Variants in PTN observed in about 807,000 individuals in gnomAD.
PTN encodes heparin affin regulatory protein.
In PTN, 18 loss-of-function variants were observed where a neutral mutation model predicts 24.1. That is an observed-to-expected ratio of 0.75 (90% CI 0.52 to 1.11). The LOEUF (loss-of-function observed/expected upper bound fraction) is 1.11, where lower values mean the gene tolerates loss of function less well. PTN is among the 50% of genes least tolerant of loss of function. The pLI is 0.00. For synonymous variants in PTN, 78 were observed against 68.6 expected, an observed-to-expected ratio of 1.14 and a Z score of -0.67; for missense variants, 163 against 198.8, an observed-to-expected ratio of 0.82 and a Z score of 1.08.
intron 1 of PTN, among the ~76,000 whole-genome samples, chr7:137,267,590 G>C (rs1809178992): frequency 6.6e-6 from 1 of 152,148 alleles, no homozygotes; most frequent in South Asian, 2.1e-4. Context: ...TGGTATCATA[G>C]TAACACCGTA....
intron 1 of PTN, among the ~76,000 whole-genome samples, chr7:137,275,754 C>T (rs908986096): frequency 1.3e-5 from 2 of 152,100 alleles, no homozygotes; most frequent in African/African-American, 4.8e-5. Flanking sequence ...AAACACAAAT[C>T]CATAATCATT....
chr7:137,265,182 C>A (rs1809119010), intron 1 of PTN, among the ~76,000 whole-genome samples: 1 of 152,102 alleles, frequency 6.6e-6, no homozygotes, highest in Admixed American at 6.5e-5. Context: ...TGATTTCAAG[C>A]TTTAAATTGA....
chr7:137,334,790 A>T (rs1810418714), intron 1 of PTN, among the ~76,000 whole-genome samples: 2 of 152,084 alleles, frequency 1.3e-5, no homozygotes, highest in South Asian at 4.2e-4. Context: ...CTTGGAACCA[A>T]TCCAAATGTC....
intron 1 of PTN, among the ~76,000 whole-genome samples, chr7:137,333,266 A>G (rs1366298944): frequency 6.6e-6 from 1 of 152,160 alleles, no homozygotes; most frequent in Non-Finnish European, 1.5e-5. Context: ...TAGATGCCCA[A>G]TCTGGAAACT....
chr7:137,231,367 G>A (rs1223195257), intron 4 of PTN, among the ~76,000 whole-genome samples: 1 of 151,314 alleles, frequency 6.6e-6, no homozygotes, highest in Non-Finnish European at 1.5e-5. Context: ...ACCCCAATTT[G>A]CACAGTCAGC....
At chr7:137,321,760 C>CA (rs1810166651) in intron 1 of PTN, among the ~76,000 whole-genome samples, 1 of 152,024 alleles carries the variant, frequency 6.6e-6, no homozygotes, top group Admixed American at 6.6e-5. Flanking sequence ...ATGTAATCAG[C>CA]AAAAATGAAA....
chr7:137,298,991 T>C (rs1809762444), intron 1 of PTN, among the ~76,000 whole-genome samples: 2 of 151,858 alleles, frequency 1.3e-5, no homozygotes, highest in African/African-American at 4.8e-5. Context: ...TAAAGAGTGT[T>C]TTATTAAGTA....
chr7:137,306,933 A>C (rs2128879306), intron 1 of PTN, among the ~76,000 whole-genome samples: 1 of 152,080 alleles, frequency 6.6e-6, no homozygotes, highest in South Asian at 2.1e-4. Flanking sequence ...CTGGCACACA[A>C]TCTCGGGTGG....
In PTN at chr7:137,227,424, C is replaced by T. The variant is rs1037955463; in HGVS notation, c.*596G>A. 5 of 149,682 alleles carry T rather than the reference C, an allele frequency of 3.3e-5. No individual in the cohort carries two copies. Among genetic ancestry groups the T allele is most frequent in the African/African-American group, 1.2e-4 (5 of 40,652 alleles). 9.3% of individuals were successfully genotyped at this position (149,682 alleles called of 1,614,324 possible). A position where few individuals can be genotyped will look rare whatever the true frequency, so the allele number is the denominator to read the frequency against. ...AATAATTTCATCAAGAAAACAAATG[C>T]TTCTGCCAAAGTGAAAGAATTTTAT... On this transcript the variant is annotated 3_prime_UTR_variant, in exon 5 of 5. Transcript: ENST00000348225.
At chr7:137,324,139 G>A (rs976744664) in intron 1 of PTN, among the ~76,000 whole-genome samples, 19 of 152,070 alleles carry the variant, frequency 1.2e-4, no homozygotes, top group South Asian at 8.3e-4. Flanking sequence ...ATAGTAGGTC[G>A]TATTTTCAAT....
intron 4 of PTN, among the ~76,000 whole-genome samples, chr7:137,230,255 C>A (rs556778291): frequency 3.3e-5 from 5 of 151,956 alleles, no homozygotes; most frequent in African/African-American, 1.2e-4. Flanking sequence ...AATCTGTCAC[C>A]AAATTCTTCT....
intron 1 of PTN, among the ~76,000 whole-genome samples, 160 bp downstream of exon 1, chr7:137,343,279 T>C (rs965181950): frequency 7.2e-5 from 11 of 152,172 alleles, no homozygotes; most frequent in Admixed American, 1.3e-4. Context: ...CCTTGGCCTC[T>C]GGAGCAAGTC....
intron 1 of PTN, among the ~76,000 whole-genome samples, chr7:137,323,264 G>C (rs990481346): frequency 1.4e-4 from 22 of 152,192 alleles, no homozygotes; most frequent in African/African-American, 5.3e-4. Context: ...GAAGGGATGT[G>C]ATGGGTCACC....
Position 137,266,635 on chromosome 7 carries a change from C to CT in PTN, c.-1-11662dup, listed in dbSNP as rs532507644. 2.8e-3 allele frequency among the ~76,000 whole-genome samples: 412 copies of CT among 146,236 alleles called. 1 individual carries two copies. The highest frequency in any genetic ancestry group is 5.6e-3 in the South Asian group (26 of 4,604). On this transcript the variant is annotated intron_variant, in intron 1 of 4. Coordinates refer to ENST00000348225, the MANE Select transcript of PTN (RefSeq NM_002825.7). ...TAAATTCTGCCTCCCCTTTTTTTTC[C>CT]TTTTTTTTTGAAGATAACCATTCTG...
intron 4 of PTN, among the ~76,000 whole-genome samples, chr7:137,238,821 TACTC>T (rs1808569687): frequency 6.6e-6 from 1 of 152,146 alleles, no homozygotes; most frequent in African/African-American, 2.4e-5. Flanking sequence ...ATATCATAAA[TACTC>T]AATAAATAGG....
intron 1 of PTN, among the ~76,000 whole-genome samples, chr7:137,302,374 T>C (rs1424132592): frequency 1.3e-5 from 2 of 151,980 alleles, no homozygotes; most frequent in African/African-American, 4.8e-5. Flanking sequence ...ATTTAACTAC[T>C]GGTAAAAGGA....
At position 137,251,319 on chromosome 7, in the gene PTN, C is replaced by T; in HGVS notation, c.362G>A (p.Ser121Asn). 2 of 1,614,138 alleles carry T rather than the reference C, an allele frequency of 1.2e-6. No individual in the cohort carries two copies. Among genetic ancestry groups the T allele is most frequent in the Non-Finnish European group, 8.5e-7 (1 of 1,180,004 alleles). ...LNTALKTRTG[S>N]LKRALHNAEC... ...GGCATTGTGCAGGGCTCGCTTCAGA[C>T]TTCCAGTTCTGGTCTTCAGGGCTGT... Residue 121 changes from serine to asparagine, a missense_variant, in exon 4 of 5, where the codon AGT becomes AAT. Coordinates refer to ENST00000348225, the MANE Select transcript of PTN (RefSeq NM_002825.7).
At chr7:137,251,466 T>C (rs1808826045) in intron 3 of PTN, 75 bp from the exon 4 acceptor site, 3 of 1,495,568 alleles carry the variant, frequency 2.0e-6, no homozygotes, top group South Asian at 1.2e-5. Context: ...AGGCACACTT[T>C]TGTTTGTAAC....
chr7:137,230,382 A>G (rs1425630918), intron 4 of PTN, among the ~76,000 whole-genome samples: 2 of 151,840 alleles, frequency 1.3e-5, no homozygotes, highest in Non-Finnish European at 2.9e-5. Flanking sequence ...AAATCTGTAC[A>G]ATGTCAATCA....
Sources: gnomAD v4.1 joint callset for allele counts (sites outside exome capture counted in the v4.1 genomes callset) on GRCh38, gnomAD v4.1.1 for gene constraint, MANE v1.5 for transcripts, NCBI Gene and HGNC (gene_info 2026-07-23, HGNC 2026-07-21) for gene names.